Variants in PGAP1 observed in about 807,000 individuals in gnomAD.
The protein encoded by PGAP1 is GPI inositol-deacylase.
PGAP1 carries 76 observed loss-of-function variants against 127.0 expected under a neutral mutation model. The ratio of observed to expected loss-of-function variants is 0.60; its 90% CI spans 0.50 to 0.72. The LOEUF (loss-of-function observed/expected upper bound fraction) is 0.72, where lower values mean the gene tolerates loss of function less well. PGAP1 is among the 30% of genes least tolerant of loss of function. PGAP1 has a pLI of 0.00. For synonymous variants in PGAP1, 362 were observed against 366.5 expected (o/e 0.99, Z 0.14); for missense variants, 982 against 1,071.3 (o/e 0.92, Z 1.16).
chr2:196,922,587 C>G (rs1316197798), intron 1 of PGAP1: 58 of 754,436 alleles, frequency 7.7e-5, no homozygotes, highest in East Asian at 1.3e-4. Flanking sequence ...GACACACACA[C>G]ACACACACAC....
Position 196,873,531 on chromosome 2 carries a change from T to A in PGAP1, c.1549A>T (p.Lys517Ter). The change falls in exon 16 of 27, where the codon AAA (lysine) becomes TAA (stop). Residue 517 changes from lysine to a stop codon, truncating the protein, a stop_gained. Transcript: ENST00000354764. LOFTEE classifies it high-confidence loss of function. ...ATTTTTTAGAAAACATATTTACCTT[T>A]GACTGCTGAGCACTTGCTTACCACG... ...INVVSKCSAVKEEITSIYRLH... is the reference protein window; with the variant it reads ...INVVSKCSAV 1 of 1,607,360 alleles carries A rather than the reference T, an allele frequency of 6.2e-7. No individual in the cohort carries two copies. Among genetic ancestry groups the A allele is most frequent in the Non-Finnish European group, 8.5e-7 (1 of 1,176,280 alleles).
intron 11 of PGAP1, 136 bp downstream of exon 11, chr2:196,885,698 C>T (rs950058047): frequency 7.2e-6 from 5 of 691,570 alleles, no homozygotes; most frequent in Non-Finnish European, 1.1e-5. Flanking sequence ...ATTTCCTTTA[C>T]TTTTCATTTT....
At chr2:196,861,531 C>G (rs1701064547) in intron 20 of PGAP1, among the ~76,000 whole-genome samples, 2 of 152,156 alleles carry the variant, frequency 1.3e-5, no homozygotes, top group Admixed American at 6.6e-5. Flanking sequence ...AGACATTTCT[C>G]AACAGAAGAA....
At chr2:196,884,970 T>G (rs1476410272) in intron 12 of PGAP1, among the ~76,000 whole-genome samples, 2 of 152,194 alleles carry the variant, frequency 1.3e-5, no homozygotes, top group African/African-American at 4.8e-5. Flanking sequence ...CTTATCACCC[T>G]GGAGAGCACT....
At position 196,926,618 on chromosome 2, in the gene PGAP1, G is replaced by A. The variant is rs750578501; in HGVS notation, c.-2C>T. Reference sequence around the variant, plus strand: ...GAGATTAACTGAGTGAAGAAACATGGTGCCGCCACCACCGCCGCCGCCGCC... The same window carrying A: ...GAGATTAACTGAGTGAAGAAACATGATGCCGCCACCACCGCCGCCGCCGCC... On this transcript the variant is annotated 5_prime_UTR_variant, in exon 1 of 27. Transcript: ENST00000354764. 2 of 1,613,884 alleles carry A rather than the reference G, an allele frequency of 1.2e-6. No homozygotes were observed. Among genetic ancestry groups the A allele is most frequent in the Non-Finnish European group, 1.7e-6 (2 of 1,179,852 alleles).
At chr2:196,886,495 T>C (rs1040239280) in intron 10 of PGAP1, among the ~76,000 whole-genome samples, 1 of 152,062 alleles carries the variant, frequency 6.6e-6, no homozygotes, top group Non-Finnish European at 1.5e-5. Context: ...GTATTCCTAA[T>C]TATTGAACCA....
At position 196,902,666 on chromosome 2, in the gene PGAP1, T is replaced by A. The variant is rs1191508429; in HGVS notation, c.726A>T (p.Gly242=). The A allele has an allele frequency of 6.2e-7, 1 of 1,613,058 alleles. No individual in the cohort carries two copies. Among genetic ancestry groups the A allele is most frequent in the African/African-American group, 1.3e-5 (1 of 74,918 alleles). ...AACGAACTTGGTAATCCCGGAATCC[T>A]CCAGCTACAGAAAGTGTGGTTAAAT... The part of the protein sequence containing the change: ...HINLTTLSVA[G]GFRDYQVRSG... Residue 242 remains glycine, a synonymous_variant, in exon 5 of 27, where the codon GGA becomes GGT. Coordinates refer to ENST00000354764, the MANE Select transcript of PGAP1 (RefSeq NM_024989.4).
rs781161237 is a variant in PGAP1, at chr2:196,841,194, T to G, written c.*40A>C. The G allele has an allele frequency of 6.3e-7, 1 of 1,592,468 alleles. No individual in the cohort carries two copies. The highest frequency in any genetic ancestry group is 8.6e-7 in the Non-Finnish European group (1 of 1,168,494). ...GTGTGTTCCCTCTTATCACTGGCCC[T>G]AAACACATAAATTATCTTCATCATT... On this transcript the variant is annotated 3_prime_UTR_variant, in exon 27 of 27. Coordinates refer to ENST00000354764, the MANE Select transcript of PGAP1 (RefSeq NM_024989.4).
rs1700274412 is a variant in PGAP1, at chr2:196,837,667, A to T, written c.*3567T>A. On this transcript the variant is annotated 3_prime_UTR_variant, in exon 27 of 27. Coordinates refer to ENST00000354764, the MANE Select transcript of PGAP1 (RefSeq NM_024989.4). ...AGGAACTAAATAATGAACAAAACAAATAATCCACCTCATGTAAGTTTGTGT... is the reference window on the plus strand; with the variant it reads ...AGGAACTAAATAATGAACAAAACAATTAATCCACCTCATGTAAGTTTGTGT... 6.6e-6 allele frequency: 1 copy of T among 152,174 alleles called. No homozygotes were observed. The highest frequency in any genetic ancestry group is 6.6e-5 in the Admixed American group (1 of 15,266). 9.4% of individuals were successfully genotyped at this position (152,174 alleles called of 1,614,324 possible). A position where few individuals can be genotyped will look rare whatever the true frequency, so the allele number is the denominator to read the frequency against.
In PGAP1 at chr2:196,841,009, G is replaced by T; in HGVS notation, c.*225C>A. 1 of 471,600 alleles carries T rather than the reference G, an allele frequency of 2.1e-6. No individual in the cohort carries two copies. 29.2% of individuals were successfully genotyped at this position (471,600 alleles called of 1,614,324 possible). On this transcript the variant is annotated 3_prime_UTR_variant, in exon 27 of 27. Transcript: ENST00000354764. The stretch of plus-strand genomic sequence containing the variant: ...TAGTGATCACCATATATCCCTTCAT[G>T]AATTTTTCAAAAATGATTACTACAT...
At chr2:196,888,554 A>G (rs936999133) in intron 10 of PGAP1, among the ~76,000 whole-genome samples, 1 of 152,150 alleles carries the variant, frequency 6.6e-6, no homozygotes, top group Non-Finnish European at 1.5e-5. Flanking sequence ...TGGGAATACA[A>G]TCAGTTAAAC....
At chr2:196,850,235 T>G (rs1417125704) in intron 20 of PGAP1, among the ~76,000 whole-genome samples, 2 of 152,240 alleles carry the variant, frequency 1.3e-5, no homozygotes, top group Non-Finnish European at 2.9e-5. Flanking sequence ...TCTTATCATT[T>G]CTTGTTGGTT....
Position 196,902,684 on chromosome 2 carries a change from G to A in PGAP1, c.708C>T (p.Thr236=), listed in dbSNP as rs756380917. 5 of 1,612,032 alleles carry A rather than the reference G, an allele frequency of 3.1e-6. No homozygotes were observed. The highest frequency in any genetic ancestry group is 1.7e-5 in the Admixed American group (1 of 59,968). Residue 236 remains threonine, a synonymous_variant, in exon 5 of 27, where the codon ACC becomes ACT. Transcript: ENST00000354764. The part of the protein sequence containing the change: ...WILNARHINL[T]TLSVAGGFRD... Reference sequence around the variant, plus strand: ...GGAATCCTCCAGCTACAGAAAGTGTGGTTAAATTTATGTGTCGAGCATTTA... The same window carrying A: ...GGAATCCTCCAGCTACAGAAAGTGTAGTTAAATTTATGTGTCGAGCATTTA...
In PGAP1 at chr2:196,841,234, TTA is replaced by T. The variant is rs1410845173; in HGVS notation, c.2767_2768del (p.Ter923ArgfsTer14). On this transcript the variant is annotated frameshift_variant and stop_lost, in exon 27 of 27. Coordinates refer to ENST00000354764, the MANE Select transcript of PGAP1 (RefSeq NM_024989.4). LOFTEE classifies it high-confidence loss of function. ...LLLHALCNFM[*>X] Reference sequence around the variant, plus strand: ...TCTTCATCATTCCTTAAGTCCAATCTTACATAAAGTTGCATAATGCATGGAGT... The same window carrying T: ...TCTTCATCATTCCTTAAGTCCAATCTCATAAAGTTGCATAATGCATGGAGT... The T allele has an allele frequency of 6.2e-7, 1 of 1,611,036 alleles. No individual in the cohort carries two copies. Among genetic ancestry groups the T allele is most frequent in the Non-Finnish European group, 8.5e-7 (1 of 1,178,882 alleles).
chr2:196,852,545 T>C (rs1445728517), intron 20 of PGAP1, among the ~76,000 whole-genome samples: 1 of 151,412 alleles, frequency 6.6e-6, no homozygotes, highest in Non-Finnish European at 1.5e-5. Context: ...AATAATGTAT[T>C]ATTGATGAGA....
intron 23 of PGAP1, 31 bp from the exon 24 acceptor site, chr2:196,844,605 C>CTTTTAT: frequency 1.3e-6 from 2 of 1,510,722 alleles, no homozygotes; most frequent in Non-Finnish European, 1.8e-6. Flanking sequence ...TTTAATTTTA[C>CTTTTAT]TTTTATTTTG....
At chr2:196,878,749 C>T (rs1701640194) in intron 13 of PGAP1, among the ~76,000 whole-genome samples, 1 of 152,160 alleles carries the variant, frequency 6.6e-6, no homozygotes. Context: ...CCAGACTTTT[C>T]CTCCACTACT....
At chr2:196,870,883 C>T in intron 19 of PGAP1, 58 bp downstream of exon 19, 1 of 1,461,512 alleles carries the variant, frequency 6.8e-7, no homozygotes. Flanking sequence ...ACAACCCTTC[C>T]TTAGAGTTAT....
At chr2:196,861,963 C>T (rs115410785) in intron 20 of PGAP1, among the ~76,000 whole-genome samples, 1,628 of 150,718 alleles carry the variant, frequency 0.011, 11 homozygotes, top group Non-Finnish European at 0.016. Context: ...ATGTGATAAT[C>T]GTATTAACTG....
Sources: gnomAD v4.1 joint callset for allele counts (sites outside exome capture counted in the v4.1 genomes callset) on GRCh38, gnomAD v4.1.1 for gene constraint, MANE v1.5 for transcripts, NCBI Gene and HGNC (gene_info 2026-07-23, HGNC 2026-07-21) for gene names.